SLAIN2: variants seen among roughly 807,000 people sequenced by gnomAD.
SLAIN2 encodes SLAIN family member 2.
SLAIN2 carries 31 observed loss-of-function variants against 56.6 expected under a neutral mutation model. The ratio of observed to expected loss-of-function variants is 0.55; its 90% CI spans 0.41 to 0.74. The LOEUF is 0.74. SLAIN2 is among the 30% of genes least tolerant of loss of function. The pLI is 0.00. For missense variants in SLAIN2, 777 were observed against 754.2 expected, an observed-to-expected ratio of 1.03 and a Z score of -0.35; for synonymous variants, 317 against 284.9, an observed-to-expected ratio of 1.11 and a Z score of -1.13.
chr4:48,346,751 A>T (rs1714877049), intron 1 of SLAIN2, among the ~76,000 whole-genome samples: 1 of 151,532 alleles, frequency 6.6e-6, no homozygotes. Flanking sequence ...TACCAAGGAG[A>T]TGTTACTTTA....
intron 6 of SLAIN2, among the ~76,000 whole-genome samples, chr4:48,401,294 C>T (rs1716548074): frequency 6.6e-6 from 1 of 152,100 alleles, no homozygotes; most frequent in African/African-American, 2.4e-5. Flanking sequence ...ATCAGGTCCA[C>T]TTAATTCAGA....
intron 1 of SLAIN2, among the ~76,000 whole-genome samples, chr4:48,362,732 C>CTTTTTTTTTTTTTTTATTTTTTTT (rs397716685): frequency 8.6e-6 from 1 of 116,410 alleles, no homozygotes. Context: ...TTTTAAATTT[C>CTTTTTTTTTTTTTTTATTTTTTTT]TTTTTTTTTT....
In SLAIN2 at chr4:48,369,982, G is replaced by C; in HGVS notation, c.523G>C (p.Asp175His). The change falls in exon 2 of 8, where the codon GAT (aspartate) becomes CAT (histidine). Residue 175 changes from aspartate to histidine, a missense_variant. Asp to His is a moderately conservative substitution (Grantham distance 81). Transcript: ENST00000264313. ...TAAAAAATCTCTTATCCACAAACTT[G>C]ATCAAACTATGTCAGGTATGTCTAT... ...CAKKSLIHKLDQTMSALKRQN... is the reference protein window; with the variant it reads ...CAKKSLIHKLHQTMSALKRQN... 3 of 1,613,380 alleles carry C rather than the reference G, an allele frequency of 1.9e-6. No homozygotes were observed. Among genetic ancestry groups the C allele is most frequent in the Non-Finnish European group, 1.7e-6 (2 of 1,179,596 alleles).
intron 2 of SLAIN2, among the ~76,000 whole-genome samples, chr4:48,377,606 A>G (rs1345789767): frequency 1.3e-5 from 2 of 152,204 alleles, no homozygotes; most frequent in African/African-American, 2.4e-5. Context: ...ATCAAAGAAT[A>G]AACTTTCCAA....
intron 6 of SLAIN2, among the ~76,000 whole-genome samples, chr4:48,419,873 A>G (rs1276498351): frequency 5.3e-5 from 8 of 152,178 alleles, no homozygotes; most frequent in African/African-American, 1.9e-4. Flanking sequence ...TTCTGGTATT[A>G]TGGATTCCAA....
At chr4:48,414,591 G>T (rs1399561457) in intron 6 of SLAIN2, among the ~76,000 whole-genome samples, 2 of 139,934 alleles carry the variant, frequency 1.4e-5, no homozygotes, top group African/African-American at 2.7e-5. Context: ...AAGTTTTAGG[G>T]TACATGTGCA....
At chr4:48,400,406 T>TGAGACAGAGTC (rs1716517878) in intron 6 of SLAIN2, among the ~76,000 whole-genome samples, 1 of 134,052 alleles carries the variant, frequency 7.5e-6, no homozygotes, top group Non-Finnish European at 1.6e-5. Context: ...TTTTTTTTTT[T>TGAGACAGAGTC]TTTTTTTTGA....
At position 48,370,733 on chromosome 4, in the gene SLAIN2, TTCTC is replaced by T. The variant is rs528094104; in HGVS notation, c.538+739_538+742del. Among the ~76,000 whole-genome samples the T allele has an allele frequency of 4.4e-4, 67 of 152,364 alleles. 1 individual carries two copies. The South Asian group carries it at 0.012, about 28-fold the overall frequency. ...AAATATTGTTCATTTCTTCTTGTAT[TTCTC>T]TCAGTCTGTTTTATGAAATATTCAG... is the stretch of plus-strand genomic sequence containing the variant. On this transcript the variant is annotated intron_variant, in intron 2 of 7. Transcript: ENST00000264313.
Position 48,348,878 on chromosome 4 carries a change from T to G in SLAIN2, c.389+6750T>G, listed in dbSNP as rs115226379. 3.4e-3 allele frequency among the ~76,000 whole-genome samples: 511 copies of G among 152,280 alleles called. 1 individual carries two copies. Among genetic ancestry groups the G allele is most frequent in the Non-Finnish European group, 5.1e-3 (345 of 68,022 alleles). On this transcript the variant is annotated intron_variant, in intron 1 of 7. Coordinates refer to ENST00000264313, the MANE Select transcript of SLAIN2 (RefSeq NM_020846.2). The stretch of plus-strand genomic sequence containing the variant: ...TTTGAATTTTGAAAACCATTAGAAG[T>G]CATTATCTTGCCTGGTGAATAAAAA...
intron 6 of SLAIN2, among the ~76,000 whole-genome samples, chr4:48,416,293 T>C (rs1175371333): frequency 5.8e-5 from 2 of 34,772 alleles, no homozygotes; most frequent in East Asian, 1.0e-3. Flanking sequence ...GTAAGTTGGA[T>C]TCCTAGGTAT....
chr4:48,399,685 A>G (rs1214870075), intron 6 of SLAIN2, among the ~76,000 whole-genome samples: 1 of 152,060 alleles, frequency 6.6e-6, no homozygotes, highest in Non-Finnish European at 1.5e-5. Context: ...CCTTCAATAC[A>G]TAGTATATTG....
intron 1 of SLAIN2, among the ~76,000 whole-genome samples, chr4:48,351,397 T>TAA (rs1171653968): frequency 6.6e-6 from 1 of 152,216 alleles, no homozygotes; most frequent in African/African-American, 2.4e-5. Context: ...TGAATGCTTA[T>TAA]ATCTTTTGAG....
chr4:48,386,412 G>T (rs1716101893), intron 6 of SLAIN2, among the ~76,000 whole-genome samples: 2 of 152,100 alleles, frequency 1.3e-5, no homozygotes, highest in Admixed American at 6.6e-5. Context: ...ATCTCAATAG[G>T]TGAGAGTCCA....
rs191458777 is a variant in SLAIN2 at position 48,347,761 on chromosome 4, G to A, written c.389+5633G>A. Among the ~76,000 whole-genome samples, 258 of 152,262 alleles carry A rather than the reference G, an allele frequency of 1.7e-3. 1 individual carries two copies. Among genetic ancestry groups the A allele is most frequent in the African/African-American group, 6.0e-3 (248 of 41,556 alleles). On this transcript the variant is annotated intron_variant, in intron 1 of 7. Transcript: ENST00000264313. ...ATTGAAACTGTGTACCCATTAAACA[G>A]TTTCCCTGTTTCCATGGACGCCAGC...
intron 1 of SLAIN2, among the ~76,000 whole-genome samples, chr4:48,359,788 G>A (rs1715267391): frequency 6.6e-6 from 1 of 152,082 alleles, no homozygotes; most frequent in Non-Finnish European, 1.5e-5. Flanking sequence ...ACTTCTTATT[G>A]TAAGCTTTAT....
chr4:48,354,004 G>A (rs1715085522), intron 1 of SLAIN2, among the ~76,000 whole-genome samples: 1 of 152,104 alleles, frequency 6.6e-6, no homozygotes, highest in Non-Finnish European at 1.5e-5. Flanking sequence ...GGGTTTTTGG[G>A]GGGATGTCCG....
At chr4:48,402,682 C>T (rs1032957140) in intron 6 of SLAIN2, among the ~76,000 whole-genome samples, 2 of 152,114 alleles carry the variant, frequency 1.3e-5, no homozygotes, top group African/African-American at 4.8e-5. Flanking sequence ...TTCTTAGCTT[C>T]TTTGCATTGG....
chr4:48,420,593 T>C (rs544928967), intron 7 of SLAIN2, 150 bp downstream of exon 7: 1 of 902,248 alleles, frequency 1.1e-6, no homozygotes, highest in South Asian at 1.8e-5. Context: ...AAAACTTTAC[T>C]ACATTGTTTT....
intron 1 of SLAIN2, among the ~76,000 whole-genome samples, chr4:48,363,918 G>T (rs1166572647): frequency 1.2e-5 from 1 of 86,094 alleles, no homozygotes; most frequent in Admixed American, 1.1e-4. Flanking sequence ...CTGGCCAGGC[G>T]GGGGGCTGAC....
Sources: allele counts gnomAD v4.1 joint callset (sites outside exome capture counted in the v4.1 genomes callset), GRCh38; gene constraint gnomAD v4.1.1; transcripts MANE v1.5; gene names NCBI Gene and HGNC (gene_info 2026-07-23, HGNC 2026-07-21).